The following COL28A1 variants were observed in gnomAD, a reference collection of about 807,000 sequenced individuals.
COL28A1 encodes the protein collagen type XXVIII alpha 1 chain.
A neutral mutation model predicts 150.2 loss-of-function variants in COL28A1; 161 were observed. That is an observed-to-expected ratio of 1.07 (90% CI 0.94 to 1.22). The LOEUF (loss-of-function observed/expected upper bound fraction) is 1.22, where lower values mean the gene tolerates loss of function less well. Among genes scored for constraint, COL28A1 ranks in the 50% most tolerant of loss-of-function variants. The pLI is 0.00. For synonymous variants in COL28A1, 552 were observed against 469.7 expected (o/e 1.18, Z -2.26); for missense variants, 1,617 against 1,388.3 (o/e 1.16, Z -2.62).
chr7:7,443,995 T>TG (rs1431619422), intron 19 of COL28A1, among the ~76,000 whole-genome samples: 1 of 151,104 alleles, frequency 6.6e-6, no homozygotes, highest in African/African-American at 2.4e-5. Flanking sequence ...TGTTTTTTTT[T>TG]TTTTTTTTTT....
chr7:7,419,978 G>A lies in COL28A1; in HGVS notation c.1999-25C>T, dbSNP rs763100244. The A allele has an allele frequency of 1.8e-4, 273 of 1,513,882 alleles. 1 individual carries two copies. The East Asian group carries it at 6.1e-3, about 34-fold the overall frequency. The allele number at this position is 1,513,882 out of a possible 1,614,324, so 93.8% of individuals were successfully genotyped here. On this transcript the variant is annotated intron_variant, in intron 25 of 34. Transcript: ENST00000399429. The stretch of plus-strand genomic sequence containing the variant: ...CCTGAAAAGACACAACAAATAACAA[G>A]TTACTAATTTTTTAAAGACTTTATG...
chr7:7,372,559 A>T (rs1234842836), intron 32 of COL28A1, among the ~76,000 whole-genome samples: 1 of 152,092 alleles, frequency 6.6e-6, no homozygotes, highest in African/African-American at 2.4e-5. Flanking sequence ...TGCATTTCTC[A>T]TCTCTTTAGA....
At chr7:7,343,177 TAA>T in the COL28A1 span, among the ~76,000 whole-genome samples, 5 of 151,870 alleles carry the variant, frequency 3.3e-5, no homozygotes, top group Admixed American at 1.3e-4. Context: ...TATATATATA[TAA>T]GTGTAGATTT....
At chr7:7,429,353 A>T (rs1010330044) in intron 25 of COL28A1, among the ~76,000 whole-genome samples, 1 of 152,042 alleles carries the variant, frequency 6.6e-6, no homozygotes, top group African/African-American at 2.4e-5. Flanking sequence ...CAAGAAGGGC[A>T]AAGTTAACTG....
chr7:7,398,742 CAG>C (rs1300627120), intron 27 of COL28A1, among the ~76,000 whole-genome samples: 1 of 152,276 alleles, frequency 6.6e-6, no homozygotes, highest in Admixed American at 6.5e-5. Context: ...GTGATAAATA[CAG>C]AGAGACAGGG....
intron 1 of COL28A1, among the ~76,000 whole-genome samples, chr7:7,534,135 G>A (rs1214947826): frequency 6.6e-6 from 1 of 152,162 alleles, no homozygotes; most frequent in East Asian, 1.9e-4. Flanking sequence ...ACCAATGGAT[G>A]GCTTCATGCC....
chr7:7,438,906 C>T (rs1181854314), intron 21 of COL28A1, among the ~76,000 whole-genome samples: 1 of 152,192 alleles, frequency 6.6e-6, no homozygotes, highest in Non-Finnish European at 1.5e-5. Context: ...TAAATATCTT[C>T]CATTTTGCCT....
intron 11 of COL28A1, among the ~76,000 whole-genome samples, chr7:7,504,071 T>C (rs1780675731): frequency 6.6e-6 from 1 of 152,226 alleles, no homozygotes; most frequent in Non-Finnish European, 1.5e-5. Flanking sequence ...CAAAGTGCTA[T>C]TATGTCAGAA....
chr7:7,516,576 C>T (rs1189068607), intron 7 of COL28A1, among the ~76,000 whole-genome samples: 1 of 152,082 alleles, frequency 6.6e-6, no homozygotes, highest in East Asian at 1.9e-4. Flanking sequence ...AGCAGCAAGT[C>T]CTCTTCAAAT....
chr7:7,417,080 C>T (rs542912832), intron 27 of COL28A1, among the ~76,000 whole-genome samples: 76 of 151,756 alleles, frequency 5.0e-4, no homozygotes, highest in Non-Finnish European at 8.1e-4. Context: ...GAGAGTGAAC[C>T]GATAAGAACA....
chr7:7,511,274 T>A, intron 8 of COL28A1, 139 bp from the exon 9 acceptor site: 1 of 631,984 alleles, frequency 1.6e-6, no homozygotes, highest in South Asian at 1.9e-5. Context: ...AATATTAGCC[T>A]CAATACTGTG....
Position 7,490,623 on chromosome 7 carries a change from A to G in COL28A1, c.1050T>C (p.Pro350=). Residue 350 remains proline (P), a synonymous_variant, in exon 12 of 35, where the codon CCT becomes CCC. Transcript: ENST00000399429. ...TTCCAGGAGCTCCTGGAGAACCATA[A>G]GGACCAGGAGGACCTGGCTCACCCT... ...GNKGEPGPPG[P]YGSPGAPGIG... is the part of the protein sequence containing the mutation. 1 of 1,347,626 alleles carries G rather than the reference A, an allele frequency of 7.4e-7. No individual in the cohort carries two copies. The highest frequency in any genetic ancestry group is 1.7e-5 in the Admixed American group (1 of 59,428). The allele number at this position is 1,347,626 out of a possible 1,614,324, so 83.5% of individuals were successfully genotyped here.
chr7:7,460,018 AG>A (rs150767439), intron 15 of COL28A1, among the ~76,000 whole-genome samples: 14 of 152,372 alleles, frequency 9.2e-5, no homozygotes, highest in African/African-American at 3.1e-4. Flanking sequence ...CCCAACTTCT[AG>A]ATGAGATTCA....
At chr7:7,491,342 G>C (rs1159237172) in intron 11 of COL28A1, among the ~76,000 whole-genome samples, 4 of 152,156 alleles carry the variant, frequency 2.6e-5, no homozygotes, top group Non-Finnish European at 5.9e-5. Context: ...AACTGCCTCT[G>C]TCTCTTCTTT....
intron 26 of COL28A1, among the ~76,000 whole-genome samples, chr7:7,419,150 T>C (rs1206904428): frequency 6.6e-6 from 1 of 152,200 alleles, no homozygotes; most frequent in African/African-American, 2.4e-5. Flanking sequence ...AAGAAAGTTG[T>C]TGAGCAACTG....
chr7:7,347,127 C>T, the COL28A1 span, among the ~76,000 whole-genome samples: 2 of 151,928 alleles, frequency 1.3e-5, no homozygotes, highest in African/African-American at 4.8e-5. Flanking sequence ...AATGTCCACA[C>T]TAGCAAAAAA....
At chr7:7,357,753 A>G (rs1373675290), downstream of COL28A1, 2 of 78,024 alleles carry the variant, frequency 2.6e-5, no homozygotes, top group Non-Finnish European at 7.6e-5. Context: ...CAAAAGTATT[A>G]TAAAATGACA....
intron 27 of COL28A1, among the ~76,000 whole-genome samples, chr7:7,417,071 A>G (rs1784121515): frequency 6.6e-6 from 1 of 152,100 alleles, no homozygotes; most frequent in African/African-American, 2.4e-5. Flanking sequence ...GGAAAAAAAG[A>G]GAGTGAACCG....
chr7:7,428,604 T>G (rs757787102), intron 25 of COL28A1, among the ~76,000 whole-genome samples: 15 of 150,056 alleles, frequency 1.0e-4, no homozygotes, highest in Admixed American at 2.0e-4. Flanking sequence ...GCCCTTAATA[T>G]CTAAGGCTCC....
Sources: allele counts gnomAD v4.1 joint callset (sites outside exome capture counted in the v4.1 genomes callset), GRCh38; gene constraint gnomAD v4.1.1; transcripts MANE v1.5; gene names NCBI Gene and HGNC (gene_info 2026-07-23, HGNC 2026-07-21).